The following RASSF8 variants were observed in gnomAD, a reference collection of about 807,000 sequenced individuals.
The protein encoded by RASSF8 is Ras association domain family member 8.
Under a neutral mutation model 48.5 loss-of-function variants are expected in RASSF8, and 22 were observed. The ratio of observed to expected loss-of-function variants is 0.45; its 90% confidence interval spans 0.32 to 0.65. The LOEUF (loss-of-function observed/expected upper bound fraction) is 0.65. RASSF8 is among the 30% of genes least tolerant of loss of function. The pLI is 0.03. For missense variants in RASSF8, 418 were observed against 489.2 expected, an observed-to-expected ratio of 0.85 and a Z score of 1.37; for synonymous variants, 127 against 171.5, an observed-to-expected ratio of 0.74 and a Z score of 2.03.
intron 2 of RASSF8, among the ~76,000 whole-genome samples, chr12:26,049,571 G>T (rs1348842283): frequency 6.6e-6 from 1 of 152,114 alleles, no homozygotes; most frequent in Non-Finnish European, 1.5e-5. Flanking sequence ...ACCCTGCTGG[G>T]TATGAGAGAA....
At chr12:26,072,939 C>A, downstream of RASSF8, 1 of 600,398 alleles carries the variant, frequency 1.7e-6, no homozygotes, top group Non-Finnish European at 2.1e-6. Context: ...TTAAAAGATA[C>A]CAAAGAGAAT....
intron 5 of RASSF8, 144 bp downstream of exon 5, chr12:26,067,857 C>T (rs1342588021): frequency 4.5e-6 from 5 of 1,103,722 alleles, no homozygotes; most frequent in South Asian, 3.2e-5. Flanking sequence ...CCTCGACCTC[C>T]TGGGCTCAGG....
chr12:26,000,413 C>T (rs1942227945), intron 2 of RASSF8, among the ~76,000 whole-genome samples: 1 of 152,034 alleles, frequency 6.6e-6, no homozygotes, highest in Non-Finnish European at 1.5e-5. Context: ...TTTAATTTTG[C>T]TTATATCATG....
intron 2 of RASSF8, among the ~76,000 whole-genome samples, chr12:26,051,292 G>A (rs1436222046): frequency 6.6e-6 from 1 of 152,188 alleles, no homozygotes; most frequent in Non-Finnish European, 1.5e-5. Context: ...ACTTAAGTGT[G>A]TAATATTTGA....
intron 2 of RASSF8, among the ~76,000 whole-genome samples, chr12:26,026,036 C>A (rs541398754): frequency 6.6e-6 from 1 of 152,046 alleles, no homozygotes. Context: ...AACTCATAGA[C>A]GTAAACTTAG....
chr12:26,045,175 T>A lies in RASSF8; in HGVS notation c.-108-10061T>A, dbSNP rs186489681. ...GAATGGACACTTTTTTTGTTCTCTA[T>A]GAACTGAAATAGCCTTAATTTAACA... On this transcript the variant is annotated intron_variant, in intron 2 of 5. Coordinates refer to ENST00000689635, the MANE Select transcript of RASSF8 (RefSeq NM_001394098.1). 2.5e-4 allele frequency among the ~76,000 whole-genome samples: 38 copies of A among 152,324 alleles called. 2 individuals carry two copies. The East Asian group carries it at 7.1e-3, about 29-fold the overall frequency.
intron 2 of RASSF8, among the ~76,000 whole-genome samples, chr12:25,998,058 A>G (rs1942172183): frequency 6.6e-6 from 1 of 152,232 alleles, no homozygotes; most frequent in Non-Finnish European, 1.5e-5. Flanking sequence ...GATTGAAGAA[A>G]TTGCCATATC....
intron 3 of RASSF8, among the ~76,000 whole-genome samples, chr12:26,058,993 C>A (rs1054022753): frequency 8.5e-5 from 13 of 152,136 alleles, no homozygotes; most frequent in Non-Finnish European, 1.9e-4. Flanking sequence ...TGAAACATTC[C>A]CAATTTAAAT....
intron 1 of RASSF8, among the ~76,000 whole-genome samples, chr12:25,994,171 A>G (rs1209771448): frequency 6.6e-6 from 1 of 152,072 alleles, no homozygotes; most frequent in Non-Finnish European, 1.5e-5. Flanking sequence ...TTATGCTCTA[A>G]TTTGATATTT....
chr12:26,057,305 G>A (rs1943628708), intron 3 of RASSF8, among the ~76,000 whole-genome samples: 1 of 152,150 alleles, frequency 6.6e-6, no homozygotes, highest in African/African-American at 2.4e-5. Flanking sequence ...CAGGCCCGGT[G>A]TGTGGTGTTC....
chr12:25,996,359 A>G (rs1177733896), intron 2 of RASSF8, among the ~76,000 whole-genome samples: 2 of 152,232 alleles, frequency 1.3e-5, no homozygotes, highest in Non-Finnish European at 2.9e-5. Context: ...TTTGACTACC[A>G]TTACTGATGA....
Position 25,995,078 on chromosome 12 carries a change from C to T in RASSF8, c.-161C>T, listed in dbSNP as rs902354033. 2.0e-5 allele frequency: 3 copies of T among 151,876 alleles called. No individual in the cohort carries two copies. The highest frequency in any genetic ancestry group is 2.9e-5 in the Non-Finnish European group (2 of 68,046). The allele number at this position is 151,876 out of a possible 1,614,324, so 9.4% of individuals were successfully genotyped here. On this transcript the variant is annotated 5_prime_UTR_variant, in exon 2 of 6. Transcript: ENST00000689635. ...TCCTAGAATACCTGTGTGGTGCTGT[C>T]CTTCCTCAAGACTACCTCATTCTCA... is the stretch of plus-strand genomic sequence containing the variant.
chr12:26,064,462 C>A (rs1173536858), intron 3 of RASSF8, 36 bp from the exon 4 acceptor site: 2 of 1,481,172 alleles, frequency 1.4e-6, no homozygotes, highest in South Asian at 1.5e-5. Context: ...ATTACATATC[C>A]CATTTTGACA....
chr12:26,026,401 A>G lies in RASSF8; in HGVS notation c.-108-28835A>G, dbSNP rs144613901. On this transcript the variant is annotated intron_variant, in intron 2 of 5. Transcript: ENST00000689635. The stretch of plus-strand genomic sequence containing the variant: ...AGAGAAATGAAAATGAAAATAAGAT[A>G]TGATTTCATACTAAGTTGGCTGTAA... Among the ~76,000 whole-genome samples, 23 of 152,296 alleles carry G rather than the reference A, an allele frequency of 1.5e-4. 1 individual carries two copies. Among genetic ancestry groups the G allele is most frequent in the African/African-American group, 5.1e-4 (21 of 41,554 alleles).
chr12:25,978,560 C>A (rs771049102), intron 1 of RASSF8, among the ~76,000 whole-genome samples: 6 of 152,164 alleles, frequency 3.9e-5, no homozygotes, highest in Non-Finnish European at 5.9e-5. Flanking sequence ...CAAACTAGGT[C>A]CTTAGAGGCA....
At chr12:26,025,540 G>A (rs1189247370) in intron 2 of RASSF8, among the ~76,000 whole-genome samples, 1 of 146,942 alleles carries the variant, frequency 6.8e-6, no homozygotes, top group Admixed American at 6.8e-5. Flanking sequence ...CTAGCCCTGG[G>A]CGACAGAGTG....
chr12:26,045,889 C>T (rs924274302), intron 2 of RASSF8, among the ~76,000 whole-genome samples: 1 of 152,064 alleles, frequency 6.6e-6, no homozygotes. Context: ...TGGAAGGTAA[C>T]GAACTTAATT....
At chr12:26,073,748 TACACACACACACAC>T (rs5797160), downstream of RASSF8, among the ~76,000 whole-genome samples, 1 of 134,712 alleles carries the variant, frequency 7.4e-6, no homozygotes, top group Non-Finnish European at 1.5e-5. Flanking sequence ...TCTCTCTCTA[TACACACACACACAC>T]ACACACACAC....
rs753806142 is a variant in RASSF8 at position 25,964,287 on chromosome 12, GTGT to G, written c.-203+5141_-203+5143del. Among the ~76,000 whole-genome samples the G allele has an allele frequency of 3.4e-5, 5 of 147,666 alleles. No individual in the cohort carries two copies. The East Asian group carries it at 5.9e-4, about 17-fold the overall frequency. Reference sequence around the variant, plus strand: ...GGATTTAGAAAGCTATTCTTAGCAAGTGTTTTTTTTTTTTTTTAAATCACATTC... The same window carrying G: ...GGATTTAGAAAGCTATTCTTAGCAAGTTTTTTTTTTTTTTAAATCACATTC... On this transcript the variant is annotated intron_variant, in intron 1 of 5. Coordinates refer to ENST00000689635, the MANE Select transcript of RASSF8 (RefSeq NM_001394098.1).
Sources: allele counts gnomAD v4.1 joint callset (sites outside exome capture counted in the v4.1 genomes callset), GRCh38; gene constraint gnomAD v4.1.1; transcripts MANE v1.5; gene names NCBI Gene and HGNC (gene_info 2026-07-23, HGNC 2026-07-21).